Variants in TXLNB observed in about 807,000 individuals in gnomAD.
TXLNB encodes beta-taxilin.
In TXLNB, 37 loss-of-function variants were observed where a neutral mutation model predicts 57.4. The ratio of observed to expected loss-of-function variants is 0.64; its 90% confidence interval spans 0.50 to 0.85. The LOEUF (loss-of-function observed/expected upper bound fraction) is 0.85, where lower values mean the gene tolerates loss of function less well. Among genes scored for constraint, TXLNB ranks in the 40% least tolerant of loss-of-function variants. The pLI, the probability that TXLNB is intolerant of heterozygous loss-of-function variation, is 0.00. For missense variants in TXLNB, 848 were observed against 825.6 expected (o/e 1.03, Z -0.33); for synonymous variants, 302 against 309.6 (o/e 0.98, Z 0.26).
At chr6:139,295,367 C>T (rs372873625), upstream of TXLNB, among the ~76,000 whole-genome samples, 36 of 152,296 alleles carry the variant, frequency 2.4e-4, no homozygotes, top group African/African-American at 7.7e-4. Flanking sequence ...ACACAAATTA[C>T]ACGTCTAAGG....
At chr6:139,199,620 A>G in the TXLNB span, among the ~76,000 whole-genome samples, 1 of 152,214 alleles carries the variant, frequency 6.6e-6, no homozygotes, top group African/African-American at 2.4e-5. Context: ...GATGGCATCT[A>G]AGCAAAGATA....
At chr6:139,277,754 G>C (rs1467049188) in intron 2 of TXLNB, among the ~76,000 whole-genome samples, 1 of 152,022 alleles carries the variant, frequency 6.6e-6, no homozygotes, top group Non-Finnish European at 1.5e-5. Flanking sequence ...AAATAATCAT[G>C]AAAGGGTGGG....
the TXLNB span, among the ~76,000 whole-genome samples, chr6:139,216,735 G>A: frequency 3.3e-5 from 5 of 152,140 alleles, no homozygotes; most frequent in African/African-American, 1.2e-4. Context: ...TGGAGCTGGA[G>A]GACATTATTC....
At chr6:139,300,974 ATTC>A in the TXLNB span, among the ~76,000 whole-genome samples, 8 of 152,158 alleles carry the variant, frequency 5.3e-5, no homozygotes, top group Non-Finnish European at 8.8e-5. Context: ...CATCTCTTCT[ATTC>A]TTCTTTAAAC....
At chr6:139,212,931 A>G in the TXLNB span, among the ~76,000 whole-genome samples, 1 of 152,230 alleles carries the variant, frequency 6.6e-6, no homozygotes, top group African/African-American at 2.4e-5. Flanking sequence ...AGAACTAACT[A>G]TCCTAAATAT....
chr6:139,188,198 T>A, the TXLNB span, among the ~76,000 whole-genome samples: 1 of 152,008 alleles, frequency 6.6e-6, no homozygotes. Context: ...CTTCTGAGAG[T>A]GGCTTTACTT....
chr6:139,222,079 A>G, the TXLNB span, among the ~76,000 whole-genome samples: 4 of 152,222 alleles, frequency 2.6e-5, no homozygotes, highest in Non-Finnish European at 5.9e-5. Flanking sequence ...AGATGGCACA[A>G]GTATAAAATA....
chr6:139,204,273 G>C, the TXLNB span, among the ~76,000 whole-genome samples: 1 of 152,122 alleles, frequency 6.6e-6, no homozygotes, highest in Non-Finnish European at 1.5e-5. Flanking sequence ...GGCCAGGCTG[G>C]TGTTGAACTC....
At position 139,288,601 on chromosome 6, in the gene TXLNB, C is replaced by G. The variant is rs1402987964; in HGVS notation, c.299G>C (p.Gly100Ala). ...CTCTTCAGTTGTTTCCTCACAGTCCCCATCCTCGTTGTCAGGTGATTCTGC... is the reference window on the plus strand; with the variant it reads ...CTCTTCAGTTGTTTCCTCACAGTCCGCATCCTCGTTGTCAGGTGATTCTGC... ...ENAESPDNEDGDCEETTEEAG... is the reference protein window; with the variant it reads ...ENAESPDNEDADCEETTEEAG... The change falls in exon 2 of 10, where the codon GGG becomes GCG. Residue 100 changes from glycine to alanine, a missense_variant. By Grantham distance (60) the Gly-to-Ala change is moderately conservative. Transcript: ENST00000358430. 1.2e-6 allele frequency: 2 copies of G among 1,614,216 alleles called. No individual in the cohort carries two copies. Among genetic ancestry groups the G allele is most frequent in the South Asian group, 2.2e-5 (2 of 91,082 alleles).
At chr6:139,211,129 G>C in the TXLNB span, among the ~76,000 whole-genome samples, 1 of 152,232 alleles carries the variant, frequency 6.6e-6, no homozygotes, top group African/African-American at 2.4e-5. Flanking sequence ...TTTGAAGAGA[G>C]TAGTGGTTCT....
the TXLNB span, among the ~76,000 whole-genome samples, chr6:139,197,012 A>G: frequency 2.6e-5 from 4 of 151,940 alleles, no homozygotes; most frequent in Non-Finnish European, 5.9e-5. Context: ...ATAACCTAAC[A>G]TGTTCACAGG....
chr6:139,290,142 T>C (rs1777272042), intron 1 of TXLNB, among the ~76,000 whole-genome samples: 1 of 152,176 alleles, frequency 6.6e-6, no homozygotes, highest in African/African-American at 2.4e-5. Flanking sequence ...ATCCCAGCAC[T>C]TTAGGAAGCC....
chr6:139,167,122 C>T, the TXLNB span: 12 of 1,614,082 alleles, frequency 7.4e-6, no homozygotes, highest in East Asian at 4.5e-5. Context: ...GCATGGAAGA[C>T]GATGCCCAAG....
chr6:139,294,388 C>T (rs1044260506), upstream of TXLNB, among the ~76,000 whole-genome samples: 11 of 152,030 alleles, frequency 7.2e-5, no homozygotes, highest in African/African-American at 1.5e-4. Flanking sequence ...TCATTTGATA[C>T]GGCTGCATCA....
chr6:139,220,150 CT>C, the TXLNB span, among the ~76,000 whole-genome samples: 3 of 152,166 alleles, frequency 2.0e-5, no homozygotes, highest in Non-Finnish European at 4.4e-5. Context: ...TCAGAGAGAT[CT>C]TTTGCCCCTT....
the TXLNB span, chr6:139,183,699 A>G: frequency 1.3e-5 from 2 of 152,236 alleles, no homozygotes; most frequent in Non-Finnish European, 2.9e-5. Flanking sequence ...AGGTTGTTTT[A>G]TTCAGAAGTC....
intron 2 of TXLNB, among the ~76,000 whole-genome samples, chr6:139,282,282 A>G (rs938121890): frequency 6.8e-6 from 1 of 147,258 alleles, no homozygotes; most frequent in Non-Finnish European, 1.5e-5. Context: ...GGACCGTTCA[A>G]AGGAAGACTA....
At chr6:139,213,142 A>C in the TXLNB span, among the ~76,000 whole-genome samples, 1 of 152,234 alleles carries the variant, frequency 6.6e-6, no homozygotes, top group Non-Finnish European at 1.5e-5. Flanking sequence ...AGACATCTAC[A>C]GAACTCTCCA....
At chr6:139,201,696 A>C in the TXLNB span, 1 of 152,206 alleles carries the variant, frequency 6.6e-6, no homozygotes, top group Non-Finnish European at 1.5e-5. Context: ...GCTGTATCAG[A>C]GATTCTCTCA....
Sources: gnomAD v4.1 joint callset for allele counts (sites outside exome capture counted in the v4.1 genomes callset) on GRCh38, gnomAD v4.1.1 for gene constraint, MANE v1.5 for transcripts, NCBI Gene and HGNC (gene_info 2026-07-23, HGNC 2026-07-21) for gene names.